RAB11FIP1: variants seen among roughly 807,000 people sequenced by gnomAD.
RAB11FIP1 encodes the protein rab11 family-interacting protein 1.
RAB11FIP1 carries 49 observed loss-of-function variants against 83.1 expected under a neutral mutation model. That is an observed-to-expected ratio of 0.59 (90% CI 0.47 to 0.75). The LOEUF (loss-of-function observed/expected upper bound fraction) is 0.75. Ranked by LOEUF, RAB11FIP1 falls within the 30% of genes least tolerant of loss-of-function variation. The pLI, the probability that RAB11FIP1 is intolerant of heterozygous loss-of-function variation, is 0.00. For synonymous variants in RAB11FIP1, 670 were observed against 656.0 expected (o/e 1.02, Z -0.33); for missense variants, 1,536 against 1,598.7 (o/e 0.96, Z 0.67).
rs530083433 is a variant in RAB11FIP1 at position 37,869,219 on chromosome 8, T to G, written c.3633+1201A>C. ...CTCCAGCTTGGGCAACAGAATGAGA[T>G]CCTGTATCAAAAAAAAAAAAAAAAA... On this transcript the variant is annotated intron_variant, in intron 5 of 5. Transcript: ENST00000330843. Among the ~76,000 whole-genome samples the G allele has an allele frequency of 9.0e-3, 1,017 of 112,504 alleles. 6 individuals carry two copies. Among genetic ancestry groups the G allele is most frequent in the African/African-American group, 0.035 (947 of 26,806 alleles). The allele number at this position is 112,504 out of a possible 152,430, so 73.8% of individuals were successfully genotyped here.
rs79091484 is a variant in RAB11FIP1, at chr8:37,865,098, C to T, written c.3634-1985G>A. On this transcript the variant is annotated intron_variant, in intron 5 of 5. Coordinates refer to ENST00000330843, the MANE Select transcript of RAB11FIP1 (RefSeq NM_001002814.3). ...ATTTTATATCAAGAAAAAAGAGTCA[C>T]CTTTGTAAATAATGGCAAAGAATAC... Among the ~76,000 whole-genome samples the T allele has an allele frequency of 6.2e-3, 942 of 151,948 alleles. 11 individuals are homozygous for T. Among genetic ancestry groups the T allele is most frequent in the African/African-American group, 0.021 (871 of 41,428 alleles).
At position 37,899,389 on chromosome 8, in the gene RAB11FIP1, G is replaced by T. The variant is rs1305713006; in HGVS notation, c.53C>A (p.Thr18Asn). ...CTGCAGCACCGTCACCTGCACGTGG[G>T]TTGGGGACCACACGGCCCCCAGGCC... The part of the protein sequence containing the change: ...GRGLGAVWSP[T>N]HVQVTVLQAR... Residue 18 changes from threonine (T) to asparagine (N), a missense_variant, in exon 1 of 6, where the codon ACC becomes AAC. Transcript: ENST00000330843. The surrounding 1 kb of genome is among the most constrained non-coding windows in gnomAD (Gnocchi z 4.5). The T allele has an allele frequency of 6.2e-7, 1 of 1,600,624 alleles. No homozygotes were observed. Among genetic ancestry groups the T allele is most frequent in the African/African-American group, 1.4e-5 (1 of 73,308 alleles).
intron 1 of RAB11FIP1, among the ~76,000 whole-genome samples, chr8:37,879,629 T>C (rs543313962): frequency 6.6e-6 from 1 of 152,308 alleles, no homozygotes. Context: ...ACGCCCGTAA[T>C]CCCAGCACTT....
At position 37,877,469 on chromosome 8, in the gene RAB11FIP1, T is replaced by C. The variant is rs886509785; in HGVS notation, c.454A>G (p.Asn152Asp). Residue 152 changes from asparagine (N) to aspartate (D), a missense_variant, in exon 2 of 6, where the codon AAC (asparagine) becomes GAC (aspartate). Coordinates refer to ENST00000330843, the MANE Select transcript of RAB11FIP1 (RefSeq NM_001002814.3). ...AGGTCAAACATGCTGGCAGTCATGT[T>C]GTTTCTCATAAACTGGATGTCAACC... is the stretch of plus-strand genomic sequence containing the variant. ...IEVDIQFMRNNMTASMFDLSM... is the reference protein window; with the variant it reads ...IEVDIQFMRNDMTASMFDLSM... 3 of 1,613,926 alleles carry C rather than the reference T, an allele frequency of 1.9e-6. No homozygotes were observed. The highest frequency in any genetic ancestry group is 2.5e-6 in the Non-Finnish European group (3 of 1,179,962).
At chr8:37,879,184 T>C (rs1248199513) in intron 1 of RAB11FIP1, among the ~76,000 whole-genome samples, 4 of 151,976 alleles carry the variant, frequency 2.6e-5, no homozygotes, top group Non-Finnish European at 2.9e-5. Context: ...GGCGAGCACC[T>C]GTAATCCCAG....
chr8:37,873,228 G>C (rs146916906), intron 3 of RAB11FIP1, 49 bp from the exon 4 acceptor site: 2 of 1,501,814 alleles, frequency 1.3e-6, no homozygotes, highest in African/African-American at 2.8e-5. Context: ...GATGCATCAC[G>C]AGAGACAAAG....
chr8:37,874,084 G>A (rs1355279043), intron 3 of RAB11FIP1, among the ~76,000 whole-genome samples: 1 of 152,216 alleles, frequency 6.6e-6, no homozygotes. Flanking sequence ...GAGGACCGAG[G>A]GTCTCTCATA....
chr8:37,875,719 C>T (rs528282533), intron 2 of RAB11FIP1, among the ~76,000 whole-genome samples: 37 of 151,984 alleles, frequency 2.4e-4, no homozygotes, highest in African/African-American at 4.3e-4. Context: ...CTATATCCCA[C>T]GAGGGTTGAG....
intron 1 of RAB11FIP1, among the ~76,000 whole-genome samples, chr8:37,889,976 G>C (rs1277993281): frequency 6.6e-6 from 1 of 152,066 alleles, no homozygotes; most frequent in Non-Finnish European, 1.5e-5. Context: ...GTAGAAACAA[G>C]GTTTCACCAT....
chr8:37,872,715 T>C lies in RAB11FIP1; in HGVS notation c.2087A>G (p.Gln696Arg). Residue 696 changes from glutamine to arginine, a missense_variant, in exon 4 of 6, where the codon CAG (glutamine) becomes CGG (arginine). Gln to Arg is a conservative substitution (Grantham distance 43, BLOSUM62 1). Transcript: ENST00000330843. ...SLELEESLPE[Q>R]PETGRQEEEL... is the part of the protein sequence containing the mutation. ...TTCCTCTTGTCGCCCTGTTTCAGGC[T>C]GCTCTGGGAGAGACTCCTCCAACTC... is the stretch of plus-strand genomic sequence containing the variant. 6.2e-7 allele frequency: 1 copy of C among 1,614,254 alleles called. No homozygotes were observed. Among genetic ancestry groups the C allele is most frequent in the Non-Finnish European group, 8.5e-7 (1 of 1,180,042 alleles).
At chr8:37,876,441 T>G (rs534303058) in intron 2 of RAB11FIP1, among the ~76,000 whole-genome samples, 293 of 151,676 alleles carry the variant, frequency 1.9e-3, no homozygotes, top group Non-Finnish European at 2.1e-3. Flanking sequence ...AAAAAAAATT[T>G]TTTTTAATTA....
intron 1 of RAB11FIP1, among the ~76,000 whole-genome samples, chr8:37,888,350 G>T (rs935539318): frequency 6.6e-6 from 1 of 151,990 alleles, no homozygotes; most frequent in African/African-American, 2.4e-5. Context: ...CAGGTGATCC[G>T]CCCCCTTTGG....
At chr8:37,882,135 T>C (rs1430499887) in intron 1 of RAB11FIP1, among the ~76,000 whole-genome samples, 1 of 152,130 alleles carries the variant, frequency 6.6e-6, no homozygotes, top group East Asian at 1.9e-4. Flanking sequence ...TCTCCACAGC[T>C]CTTCCACACG....
In RAB11FIP1 at chr8:37,875,132, G is replaced by A. The variant is rs544128998; in HGVS notation, c.1005C>T (p.Ile335=). ...YLEQPEAKGE[I]KDSSPSSSPS... ...GGGAGGAGGACGGGCTGCTATCCTT[G>A]ATCTCACCCTTGGCTTCTGGCTGCT... is the stretch of plus-strand genomic sequence containing the variant. The change falls in exon 3 of 6, where the codon ATC becomes ATT. Residue 335 remains isoleucine (I), a synonymous_variant. Transcript: ENST00000330843. 1 of 1,614,012 alleles carries A rather than the reference G, an allele frequency of 6.2e-7. No homozygotes were observed. Among genetic ancestry groups the A allele is most frequent in the Non-Finnish European group, 8.5e-7 (1 of 1,180,006 alleles).
rs1372822902 is a variant in RAB11FIP1 at position 37,862,097 on chromosome 8, C to T, written c.*798G>A. 1 of 152,624 alleles carries T rather than the reference C, an allele frequency of 6.6e-6. No homozygotes were observed. The highest frequency in any genetic ancestry group is 1.5e-5 in the Non-Finnish European group (1 of 68,320). The allele number at this position is 152,624 out of a possible 1,614,324, so 9.5% of individuals were successfully genotyped here. On this transcript the variant is annotated 3_prime_UTR_variant, in exon 6 of 6. Transcript: ENST00000330843. ...AAAGCGCTGAATAGGCTGGTCTAGC[C>T]AGCAGGAACCTGGCTGTCATAAGAG...
intron 1 of RAB11FIP1, among the ~76,000 whole-genome samples, chr8:37,881,060 A>G (rs1806725258): frequency 6.6e-6 from 1 of 152,216 alleles, no homozygotes; most frequent in Admixed American, 6.5e-5. Flanking sequence ...TTCTACACTT[A>G]GAGGAAAGGC....
intron 3 of RAB11FIP1, 152 bp from the exon 4 acceptor site, chr8:37,873,331 G>T (rs139359270): frequency 2.0e-4 from 167 of 841,300 alleles, no homozygotes; most frequent in Non-Finnish European, 3.2e-5. Context: ...CTAGCCGGGC[G>T]CGGTGGCTCA....
rs777755787 is a variant in RAB11FIP1 at position 37,871,835 on chromosome 8, T to G, written c.2967A>C (p.Ala989=). The G allele has an allele frequency of 1.2e-6, 2 of 1,614,080 alleles. No homozygotes were observed. The highest frequency in any genetic ancestry group is 2.7e-5 in the African/African-American group (2 of 74,934). The change falls in exon 4 of 6, where the codon GCA becomes GCC. Residue 989 remains alanine, a synonymous_variant. Transcript: ENST00000330843. ...GDQVEDDGET[A]KSSTLDIGAL... The stretch of plus-strand genomic sequence containing the variant: ...CTCCTATGTCCAGAGTTGACGACTT[T>G]GCTGTCTCTCCATCATCTTCAACCT...
rs1231798765 is a variant in RAB11FIP1, at chr8:37,861,825, G to A, written c.*1070C>T. The A allele has an allele frequency of 1.3e-5, 4 of 319,196 alleles. No individual in the cohort carries two copies. Among genetic ancestry groups the A allele is most frequent in the Admixed American group, 4.7e-5 (1 of 21,372 alleles). 19.8% of individuals were successfully genotyped at this position (319,196 alleles called of 1,614,324 possible). A position where few individuals can be genotyped will look rare whatever the true frequency, so the allele number is the denominator to read the frequency against. On this transcript the variant is annotated 3_prime_UTR_variant, in exon 6 of 6. Coordinates refer to ENST00000330843, the MANE Select transcript of RAB11FIP1 (RefSeq NM_001002814.3). ...GCTGGTCTCGAACTCCTGACCTCAA[G>A]TGATCCACCCTCCTCGGCCTTGCAA...
Sources: allele counts gnomAD v4.1 joint callset (sites outside exome capture counted in the v4.1 genomes callset), GRCh38; gene constraint gnomAD v4.1.1; non-coding constraint Gnocchi (gnomAD v3.1); transcripts MANE v1.5; gene names NCBI Gene and HGNC (gene_info 2026-07-23, HGNC 2026-07-21).